The following PCDHA10 variants were observed in gnomAD, a reference collection of about 807,000 sequenced individuals.
PCDHA10 encodes the protein protocadherin alpha 10.
A neutral mutation model predicts 61.2 loss-of-function variants in PCDHA10; 45 were observed. That is an observed-to-expected ratio of 0.74 (90% CI 0.58 to 0.94). The LOEUF (loss-of-function observed/expected upper bound fraction) is 0.94, where lower values mean the gene tolerates loss of function less well. PCDHA10 is among the 40% of genes least tolerant of loss of function. The pLI is 0.00. For missense variants in PCDHA10, 1,278 were observed against 1,236.2 expected (o/e 1.03, Z -0.51); for synonymous variants, 602 against 548.8 (o/e 1.10, Z -1.35).
chr5:140,970,405 C>T (rs1361647284), intron 1 of PCDHA10, among the ~76,000 whole-genome samples: 1 of 152,120 alleles, frequency 6.6e-6, no homozygotes, highest in Non-Finnish European at 1.5e-5. Flanking sequence ...GATGGCTTAC[C>T]CTACAGTAAG....
chr5:140,910,608 C>A (rs1161072744), intron 1 of PCDHA10, among the ~76,000 whole-genome samples: 3 of 152,208 alleles, frequency 2.0e-5, no homozygotes, highest in Non-Finnish European at 2.9e-5. Context: ...TCTAAACTGA[C>A]TAATCCACTC....
At chr5:140,871,564 C>T (rs782409405) in intron 1 of PCDHA10, 16 of 1,482,712 alleles carry the variant, frequency 1.1e-5, no homozygotes, top group East Asian at 2.5e-5. Flanking sequence ...TTTTTTTTCA[C>T]GGATTTTTTA....
intron 1 of PCDHA10, chr5:140,967,906 C>T (rs529421659): frequency 1.2e-6 from 2 of 1,614,208 alleles, no homozygotes; most frequent in Non-Finnish European, 1.7e-6. Context: ...ATGCTACACC[C>T]AACACCATTG....
rs1320219732 is a variant in PCDHA10, at chr5:140,966,886, G to A, written c.2389-12063G>A. On this transcript the variant is annotated intron_variant, in intron 1 of 3. Coordinates refer to ENST00000307360, the MANE Select transcript of PCDHA10 (RefSeq NM_018901.4). Reference sequence around the variant, plus strand: ...TGCTGCTGCTGCTACCTGGCCCTGCGGCCTCCCAGCTGCGATACTCTGTGC... The same window carrying A: ...TGCTGCTGCTGCTACCTGGCCCTGCAGCCTCCCAGCTGCGATACTCTGTGC... The A allele has an allele frequency of 5.7e-6, 9 of 1,592,130 alleles. No individual in the cohort carries two copies. The Admixed American group carries it at 1.0e-4, about 18-fold the overall frequency.
chr5:140,946,631 T>TACAC (rs374022482), intron 1 of PCDHA10, among the ~76,000 whole-genome samples: 1 of 131,846 alleles, frequency 7.6e-6, no homozygotes, highest in Non-Finnish European at 1.5e-5. Flanking sequence ...TATATATATA[T>TACAC]ACAATGGAAT....
chr5:140,982,487 A>G lies in PCDHA10; in HGVS notation c.2460A>G (p.Leu820=), dbSNP rs1417892860. 3 of 1,614,078 alleles carry G rather than the reference A, an allele frequency of 1.9e-6. No homozygotes were observed. Among genetic ancestry groups the G allele is most frequent in the Non-Finnish European group, 2.5e-6 (3 of 1,180,034 alleles). Residue 820 remains leucine (L), a synonymous_variant, in exon 3 of 4, where the codon CTA becomes CTG. Coordinates refer to ENST00000307360, the MANE Select transcript of PCDHA10 (RefSeq NM_018901.4). ...TGTGTTTATTCAGCTCTGTGCACCTAGAGGAGGCTGGCATTCTACGGGCTG... is the reference window on the plus strand; with the variant it reads ...TGTGTTTATTCAGCTCTGTGCACCTGGAGGAGGCTGGCATTCTACGGGCTG... The part of the protein sequence containing the change: ...LRAGMHSSVH[L]EEAGILRAGP...
At position 140,928,265 on chromosome 5, in the gene PCDHA10, A is replaced by G. The variant is rs1208273188; in HGVS notation, c.2389-50684A>G. ...CAGGAACTTTTCGTTGCTGAAAACA[A>G]TGGCCCTGGGGCCTCTCTAGGCCGA... On this transcript the variant is annotated intron_variant, in intron 1 of 3. Coordinates refer to ENST00000307360, the MANE Select transcript of PCDHA10 (RefSeq NM_018901.4). The G allele has an allele frequency of 3.1e-6, 5 of 1,614,188 alleles. No individual in the cohort carries two copies. In the South Asian group the frequency reaches 3.3e-5, roughly 11 times the overall value.
chr5:140,989,085 C>T (rs1481898269), intron 3 of PCDHA10: 7 of 152,258 alleles, frequency 4.6e-5, no homozygotes, highest in Non-Finnish European at 7.4e-5. Context: ...CTCTGAAAAC[C>T]TTGTCAGGAG....
intron 3 of PCDHA10, among the ~76,000 whole-genome samples, chr5:140,992,975 T>G (rs2097535680): frequency 6.6e-6 from 1 of 152,178 alleles, no homozygotes; most frequent in Admixed American, 6.6e-5. Context: ...TGACAATGAT[T>G]AGGCCATGGG....
intron 1 of PCDHA10, among the ~76,000 whole-genome samples, chr5:140,970,633 A>G (rs2096420540): frequency 6.6e-6 from 1 of 152,210 alleles, no homozygotes; most frequent in Admixed American, 6.5e-5. Context: ...AAAATTTTGT[A>G]CCATAAATAG....
chr5:140,921,498 A>G (rs2080245132), intron 1 of PCDHA10, among the ~76,000 whole-genome samples: 1 of 152,230 alleles, frequency 6.6e-6, no homozygotes, highest in African/African-American at 2.4e-5. Context: ...TTAGTTTATT[A>G]GATAGTGCCT....
intron 1 of PCDHA10, among the ~76,000 whole-genome samples, chr5:140,898,648 G>A (rs1436511217): frequency 6.6e-6 from 1 of 152,136 alleles, no homozygotes; most frequent in Non-Finnish European, 1.5e-5. Flanking sequence ...TGTTCTTTTG[G>A]CTTAGGATTG....
intron 1 of PCDHA10, chr5:140,928,545 T>C: frequency 6.2e-7 from 1 of 1,614,220 alleles, no homozygotes; most frequent in Non-Finnish European, 8.5e-7. Flanking sequence ...GGAATGACAA[T>C]TATCCGGTTA....
chr5:140,869,137 C>G, intron 1 of PCDHA10: 3 of 1,613,116 alleles, frequency 1.9e-6, no homozygotes, highest in African/African-American at 1.3e-5. Context: ...ATTGGGCACC[C>G]CACGACTACA....
Position 140,856,120 on chromosome 5 carries a change from G to C in PCDHA10, c.72G>C (p.Glu24Asp), listed in dbSNP as rs782167466. 6 of 1,598,210 alleles carry C rather than the reference G, an allele frequency of 3.8e-6. 1 individual carries two copies. The highest frequency in any genetic ancestry group is 5.1e-6 in the Non-Finnish European group (6 of 1,167,784). Residue 24 changes from glutamate to aspartate, a missense_variant, in exon 1 of 4, where the codon GAG becomes GAC. Physicochemically the swap from Glu to Asp is conservative, Grantham distance 45. Transcript: ENST00000307360. ...CGCTTCTTCTCCTCGCAGCCTGGGA[G>C]GTGGGGAGCGGCCAGCTCCACTACT... ...LLSLLLLAAW[E>D]VGSGQLHYSV... is the part of the protein sequence containing the mutation.
intron 1 of PCDHA10, among the ~76,000 whole-genome samples, chr5:140,959,379 A>T (rs2095484732): frequency 6.6e-6 from 1 of 152,176 alleles, no homozygotes; most frequent in Admixed American, 6.5e-5. Context: ...GTCTCAAAAA[A>T]AAAAGTCACA....
intron 1 of PCDHA10, chr5:140,877,261 G>T: frequency 6.2e-7 from 1 of 1,613,814 alleles, no homozygotes; most frequent in South Asian, 1.1e-5. Context: ...AGTGCGCGCG[G>T]TGGACGCTGA....
rs2096268798 is a variant in PCDHA10 at position 140,968,765 on chromosome 5, G to A, written c.2389-10184G>A. 8.1e-6 allele frequency: 13 copies of A among 1,614,078 alleles called. No homozygotes were observed. The East Asian group carries it at 2.2e-4, about 28-fold the overall frequency. On this transcript the variant is annotated intron_variant, in intron 1 of 3. Transcript: ENST00000307360. Reference sequence around the variant, plus strand: ...GACCGTGGTGGTCCGAGATAATGGAGAGCCATCACTATCAGCCTCTGTGGC... The same window carrying A: ...GACCGTGGTGGTCCGAGATAATGGAAAGCCATCACTATCAGCCTCTGTGGC...
chr5:140,875,858 A>T, intron 1 of PCDHA10: 1 of 1,613,908 alleles, frequency 6.2e-7, no homozygotes, highest in Non-Finnish European at 8.5e-7. Flanking sequence ...ATTAACGACA[A>T]CCCGCCGGTG....
Sources: allele counts gnomAD v4.1 joint callset (sites outside exome capture counted in the v4.1 genomes callset), GRCh38; gene constraint gnomAD v4.1.1; transcripts MANE v1.5; gene names NCBI Gene and HGNC (gene_info 2026-07-23, HGNC 2026-07-21).